ADH4: variants seen among roughly 807,000 people sequenced by gnomAD.
ADH4 encodes the protein all-trans-retinol dehydrogenase [NAD(+)] ADH4.
A neutral mutation model predicts 35.2 loss-of-function variants in ADH4; 31 were observed. The ratio of observed to expected loss-of-function variants is 0.88; its 90% confidence interval spans 0.66 to 1.19. The LOEUF (loss-of-function observed/expected upper bound fraction) is 1.19. ADH4 is among the 50% of genes most tolerant of loss of function. ADH4 has a pLI of 0.00. For synonymous variants in ADH4, 171 were observed against 160.2 expected, an observed-to-expected ratio of 1.07 and a Z score of -0.51; for missense variants, 476 against 458.3, an observed-to-expected ratio of 1.04 and a Z score of -0.35.
At chr4:99,125,936 T>G (rs1729072555) in intron 8 of ADH4, among the ~76,000 whole-genome samples, 1 of 152,242 alleles carries the variant, frequency 6.6e-6, no homozygotes. Context: ...TTTTGACCTT[T>G]GTTTCTATTG....
intron 6 of ADH4, 148 bp downstream of exon 6, chr4:99,131,356 A>T: frequency 1.1e-6 from 1 of 881,478 alleles, no homozygotes; most frequent in South Asian, 1.8e-5. Context: ...AGCTGAGGGA[A>T]TGGGAAATGA....
chr4:99,143,142 T>C (rs29001171), intron 1 of ADH4: 4 of 701,764 alleles, frequency 5.7e-6, no homozygotes, highest in South Asian at 3.0e-5. Context: ...TTGAGTGAAC[T>C]GTTTGAAATC....
intron 5 of ADH4, among the ~76,000 whole-genome samples, chr4:99,135,807 T>C (rs904561411): frequency 1.3e-5 from 2 of 152,150 alleles, no homozygotes; most frequent in Non-Finnish European, 1.5e-5. Flanking sequence ...GGAATAAAGA[T>C]CGATGTCAGG....
chr4:99,124,363 G>T lies in ADH4; in HGVS notation c.*79C>A. 2 of 1,000,110 alleles carry T rather than the reference G, an allele frequency of 2.0e-6. No individual in the cohort carries two copies. Among genetic ancestry groups the T allele is most frequent in the South Asian group, 1.5e-5 (1 of 65,082 alleles). The allele number at this position is 1,000,110 out of a possible 1,614,324, so 62.0% of individuals were successfully genotyped here. A position where few individuals can be genotyped will look rare whatever the true frequency, so the allele number is the denominator to read the frequency against. On this transcript the variant is annotated 3_prime_UTR_variant, in exon 9 of 9. Transcript: ENST00000265512. ...TTTGTTTAAACTCATGGCTTTCCTTGGTTCATCAAATCAGGTAATAAATTA... is the reference window on the plus strand; with the variant it reads ...TTTGTTTAAACTCATGGCTTTCCTTTGTTCATCAAATCAGGTAATAAATTA...
chr4:99,124,282 G>A lies in ADH4; in HGVS notation c.*160C>T, dbSNP rs1318220130. The A allele has an allele frequency of 1.4e-5, 8 of 584,672 alleles. No individual in the cohort carries two copies. The highest frequency in any genetic ancestry group is 2.4e-5 in the Non-Finnish European group (8 of 331,968). The allele number at this position is 584,672 out of a possible 1,614,324, so 36.2% of individuals were successfully genotyped here. On this transcript the variant is annotated 3_prime_UTR_variant, in exon 9 of 9. Transcript: ENST00000265512. ...ATAGGGAATATTCATATATATAACA[G>A]GTACAAAGTCTATAATATTTAAAGC...
chr4:99,132,341 C>T (rs994191679), intron 5 of ADH4, among the ~76,000 whole-genome samples: 1 of 152,124 alleles, frequency 6.6e-6, no homozygotes, highest in African/African-American at 2.4e-5. Flanking sequence ...TGACGCTGCT[C>T]CCTCAGACTG....
chr4:99,137,031 C>T (rs1427038940), intron 4 of ADH4, among the ~76,000 whole-genome samples: 3 of 152,052 alleles, frequency 2.0e-5, no homozygotes, highest in Non-Finnish European at 4.4e-5. Flanking sequence ...TTCACCGCAA[C>T]CTCCGCCTTC....
chr4:99,135,478 G>A (rs1415986998), intron 5 of ADH4, among the ~76,000 whole-genome samples: 3 of 152,130 alleles, frequency 2.0e-5, no homozygotes, highest in Admixed American at 2.0e-4. Context: ...CCCAAAGCAT[G>A]GCTGAGAGCC....
At chr4:99,125,773 A>G (rs1729067523) in intron 8 of ADH4, among the ~76,000 whole-genome samples, 1 of 152,180 alleles carries the variant, frequency 6.6e-6, no homozygotes, top group Non-Finnish European at 1.5e-5. Flanking sequence ...TCACACCATG[A>G]AACTATCTTC....
rs1311992815 is a variant in ADH4 at position 99,123,716 on chromosome 4, T to C, written c.*726A>G. 1 of 152,218 alleles carries C rather than the reference T, an allele frequency of 6.6e-6. No homozygotes were observed. Among genetic ancestry groups the C allele is most frequent in the Non-Finnish European group, 1.5e-5 (1 of 68,044 alleles). 9.4% of individuals were successfully genotyped at this position (152,218 alleles called of 1,614,324 possible). ...TTACAAACAATCCATTATACTCTTT[T>C]AGTCATATTAAAATATACAATTAAA... On this transcript the variant is annotated 3_prime_UTR_variant, in exon 9 of 9. Coordinates refer to ENST00000265512, the MANE Select transcript of ADH4 (RefSeq NM_000670.5).
chr4:99,131,581 T>C lies in ADH4; in HGVS notation c.766A>G (p.Ile256Val), dbSNP rs1035991779. 3 of 1,614,006 alleles carry C rather than the reference T, an allele frequency of 1.9e-6. No individual in the cohort carries two copies. The African/African-American group carries it at 4.0e-5, about 22-fold the overall frequency. Residue 256 changes from isoleucine (I) to valine (V), a missense_variant, in exon 6 of 9, where the codon ATC becomes GTC. Ile to Val is a conservative substitution (Grantham distance 29). Transcript: ENST00000265512. Reference sequence around the variant, plus strand: ...GTCAATTCAATGATAACTTCCTGGATCGGTTTATGTAAGTCTCTAGGATTG... The same window carrying C: ...GTCAATTCAATGATAACTTCCTGGACCGGTTTATGTAAGTCTCTAGGATTG... ...CLNPRDLHKPIQEVIIELTKG... is the reference protein window; with the variant it reads ...CLNPRDLHKPVQEVIIELTKG...
intron 6 of ADH4, 36 bp downstream of exon 6, chr4:99,131,468 C>A: frequency 1.3e-6 from 2 of 1,595,092 alleles, no homozygotes; most frequent in Admixed American, 1.7e-5. Context: ...CCAAAGAATA[C>A]ATTGAAAATA....
chr4:99,141,658 T>C lies in ADH4; in HGVS notation c.145A>G (p.Thr49Ala). 1.9e-6 allele frequency: 3 copies of C among 1,614,068 alleles called. No homozygotes were observed. The highest frequency in any genetic ancestry group is 2.5e-6 in the Non-Finnish European group (3 of 1,179,966). Reference sequence around the variant, plus strand: ...TTAGAATCGATAACAGTGGCATCAGTATGGCACAGAGAGGTAGCAATGATC... The same window carrying C: ...TTAGAATCGATAACAGTGGCATCAGCATGGCACAGAGAGGTAGCAATGATC... Reference protein sequence around the residue: ...IQIIATSLCHTDATVIDSKFE... With the variant: ...IQIIATSLCHADATVIDSKFE... The change falls in exon 3 of 9, where the codon ACT becomes GCT. Residue 49 changes from threonine (T) to alanine (A), a missense_variant. By Grantham distance (58) the Thr-to-Ala change is moderately conservative (BLOSUM62 0). Transcript: ENST00000265512.
At chr4:99,138,857 T>G (rs905822839) in intron 4 of ADH4, among the ~76,000 whole-genome samples, 1 of 152,328 alleles carries the variant, frequency 6.6e-6, no homozygotes, top group South Asian at 2.1e-4. Context: ...TGTTTTAAAT[T>G]GCTTACTCTA....
In ADH4 at chr4:99,136,701, G is replaced by C. The variant is rs1339000825; in HGVS notation, c.351-4C>G. 6.4e-7 allele frequency: 1 copy of C among 1,561,388 alleles called. No individual in the cohort carries two copies. Among genetic ancestry groups the C allele is most frequent in the African/African-American group, 1.4e-5 (1 of 71,994 alleles). On this transcript the variant is annotated splice_region_variant and splice_polypyrimidine_tract_variant and intron_variant, in intron 4 of 8. Transcript: ENST00000265512. ...ACTAGCAGGACTTTTGAGATTACTA[G>C]AAAATTAAAAAAAAGAGTGATACAA... is the stretch of plus-strand genomic sequence containing the variant.
intron 4 of ADH4, among the ~76,000 whole-genome samples, chr4:99,137,474 C>CTGG (rs1240672377): frequency 6.6e-6 from 1 of 151,980 alleles, no homozygotes; most frequent in African/African-American, 2.4e-5. Flanking sequence ...GTTGGTCAGG[C>CTGG]TGGTCTCGAA....
At chr4:99,126,886 ATT>A (rs949013390) in intron 7 of ADH4, among the ~76,000 whole-genome samples, 154 bp from the exon 8 acceptor site, 6 of 152,082 alleles carry the variant, frequency 3.9e-5, no homozygotes, top group Non-Finnish European at 8.8e-5. Flanking sequence ...ACTTATATCT[ATT>A]TTAAAATTTT....
chr4:99,136,953 A>AT (rs70955973), intron 4 of ADH4, among the ~76,000 whole-genome samples: 320 of 147,360 alleles, frequency 2.2e-3, no homozygotes, highest in Non-Finnish European at 3.7e-3. Context: ...GCAGGGAACA[A>AT]TTTTTTTTTT....
At chr4:99,131,189 C>A (rs29001209) in intron 6 of ADH4, among the ~76,000 whole-genome samples, 32,038 of 152,014 alleles carry the variant, frequency 0.21, 4,048 homozygotes, top group Non-Finnish European at 0.29. Flanking sequence ...TATCTCCAGA[C>A]AAATAATATT....
Sources: gnomAD v4.1 joint callset for allele counts (sites outside exome capture counted in the v4.1 genomes callset) on GRCh38, gnomAD v4.1.1 for gene constraint, MANE v1.5 for transcripts, NCBI Gene and HGNC (gene_info 2026-07-23, HGNC 2026-07-21) for gene names.